AGAP1: variants seen among roughly 807,000 people sequenced by gnomAD.
AGAP1 encodes ArfGAP with GTPase domain, ankyrin repeat and PH domain 1.
A neutral mutation model predicts 105.3 loss-of-function variants in AGAP1; 29 were observed. That is an observed-to-expected ratio of 0.28 (90% CI 0.21 to 0.38). The LOEUF is 0.38. Ranked by LOEUF, AGAP1 falls within the 10% of genes least tolerant of loss-of-function variation. The pLI is 1.00. For missense variants in AGAP1, 998 were observed against 1,165.1 expected (o/e 0.86, Z 2.09); for synonymous variants, 509 against 485.9 (o/e 1.05, Z -0.63).
intron 16 of AGAP1, among the ~76,000 whole-genome samples, chr2:236,057,605 C>G (rs1028985198): frequency 3.9e-5 from 6 of 151,950 alleles, no homozygotes; most frequent in African/African-American, 1.5e-4. Flanking sequence ...ATGTCCCTGA[C>G]CCAACACTGC....
rs1269901208 is a variant in AGAP1, at chr2:235,744,148, G to GC, written c.397-549dup. Among the ~76,000 whole-genome samples the GC allele has an allele frequency of 1.3e-5, 2 of 152,228 alleles. No homozygotes were observed. The highest frequency in any genetic ancestry group is 3.8e-4 in the East Asian group (2 of 5,202). On this transcript the variant is annotated intron_variant, in intron 4 of 17. Transcript: ENST00000304032. The surrounding 1 kb of genome is among the most constrained non-coding windows in gnomAD (Gnocchi z 5.2). ...GTAGTCATTTCTTTGCAGAGGTGCA[G>GC]CAGGAGTTCAGCCAAGGATGAGCCT...
At chr2:235,563,014 A>G (rs1352852080) in intron 1 of AGAP1, among the ~76,000 whole-genome samples, 1 of 152,192 alleles carries the variant, frequency 6.6e-6, no homozygotes. Flanking sequence ...GAGCCGCTGC[A>G]CACCAGCCTG....
chr2:235,627,528 T>A (rs1272764197), intron 1 of AGAP1, among the ~76,000 whole-genome samples: 1 of 152,086 alleles, frequency 6.6e-6, no homozygotes, highest in Admixed American at 6.5e-5. Flanking sequence ...CCCGGCTATT[T>A]TGAGTTCTTT....
At chr2:236,081,385 G>A (rs2058777733) in intron 16 of AGAP1, among the ~76,000 whole-genome samples, 1 of 152,178 alleles carries the variant, frequency 6.6e-6, no homozygotes. Context: ...TGGCCGGGGT[G>A]CGTGTCTGAA....
chr2:235,918,257 C>T (rs1467441422), intron 11 of AGAP1, among the ~76,000 whole-genome samples: 1 of 152,236 alleles, frequency 6.6e-6, no homozygotes, highest in African/African-American at 2.4e-5. Flanking sequence ...AGACCATTTG[C>T]AAATGGAAGC....
chr2:235,661,709 C>T (rs78036450), intron 1 of AGAP1, among the ~76,000 whole-genome samples: 8 of 152,140 alleles, frequency 5.3e-5, no homozygotes, highest in Non-Finnish European at 8.8e-5. Context: ...ATCTGTAGAC[C>T]GTGCTTGGAG....
Position 236,101,783 on chromosome 2 carries a change from G to A in AGAP1, c.2115-18409G>A, listed in dbSNP as rs2059352397. Among the ~76,000 whole-genome samples, 1 of 152,220 alleles carries A rather than the reference G, an allele frequency of 6.6e-6. No homozygotes were observed. The highest frequency in any genetic ancestry group is 1.5e-5 in the Non-Finnish European group (1 of 68,048). The stretch of plus-strand genomic sequence containing the variant: ...TTCATGCCACGTTACGCGGAGTCTA[G>A]GACGGCCTCACCCCGCTGGCTCGGG... On this transcript the variant is annotated intron_variant, in intron 16 of 17. Transcript: ENST00000304032. The surrounding 1 kb of genome is among the most constrained non-coding windows in gnomAD (Gnocchi z 4.9).
chr2:235,701,278 A>G lies in AGAP1; in HGVS notation c.164-7901A>G. Among the ~76,000 whole-genome samples, 1 of 152,032 alleles carries G rather than the reference A, an allele frequency of 6.6e-6. No homozygotes were observed. The highest frequency in any genetic ancestry group is 1.5e-5 in the Non-Finnish European group (1 of 68,020). On this transcript the variant is annotated intron_variant, in intron 1 of 17. Transcript: ENST00000304032. This position sits in a 1 kb window ranked among gnomAD's most constrained non-coding sequence, Gnocchi z 4.1. ...AACTTTTGCCTTGGGATTTCCTTAG[A>G]GGAGAAGAGAGAGGACCCAGTCAAA... is the stretch of plus-strand genomic sequence containing the variant.
At chr2:235,966,883 C>A (rs999354212) in intron 12 of AGAP1, among the ~76,000 whole-genome samples, 1 of 152,064 alleles carries the variant, frequency 6.6e-6, no homozygotes, top group African/African-American at 2.4e-5. Context: ...TTCTTGGGAC[C>A]GTATGTATTT....
At chr2:235,895,319 C>T (rs1457417339) in intron 10 of AGAP1, among the ~76,000 whole-genome samples, 1 of 150,706 alleles carries the variant, frequency 6.6e-6, no homozygotes, top group Non-Finnish European at 1.5e-5. Context: ...ATGTCCGTGC[C>T]CCTGCTCTTG....
chr2:235,841,531 A>AT (rs1960842733), intron 9 of AGAP1, among the ~76,000 whole-genome samples: 3 of 152,114 alleles, frequency 2.0e-5, no homozygotes, highest in Non-Finnish European at 4.4e-5. Context: ...CTGGAGGCTG[A>AT]GGTAGAAGGA....
chr2:235,907,977 T>TA (rs1260298354), intron 10 of AGAP1, among the ~76,000 whole-genome samples: 1 of 152,168 alleles, frequency 6.6e-6, no homozygotes, highest in Non-Finnish European at 1.5e-5. Context: ...ACAATAATAA[T>TA]AATGAGTGAT....
chr2:236,016,604 T>C (rs569179176), intron 13 of AGAP1, among the ~76,000 whole-genome samples: 3 of 152,222 alleles, frequency 2.0e-5, no homozygotes, highest in African/African-American at 7.2e-5. Flanking sequence ...CGGGACCCAG[T>C]AGAACCAGGA....
Position 236,044,786 on chromosome 2 carries a change from C to T in AGAP1, c.1891+3945C>T, listed in dbSNP as rs565868742. The stretch of plus-strand genomic sequence containing the variant: ...TTGAAATCACACACACACACACACA[C>T]ACATCCCTACTCCCTGCTGTTCTGC... On this transcript the variant is annotated intron_variant, in intron 15 of 17. Transcript: ENST00000304032. The surrounding 1 kb of genome is among the most constrained non-coding windows in gnomAD (Gnocchi z 5.7). 3.7e-4 allele frequency among the ~76,000 whole-genome samples: 56 copies of T among 152,232 alleles called. No individual in the cohort carries two copies. In the East Asian group the frequency reaches 0.01, roughly 28 times the overall value.
chr2:235,886,152 G>A (rs879517247), intron 10 of AGAP1, among the ~76,000 whole-genome samples: 4 of 152,184 alleles, frequency 2.6e-5, no homozygotes, highest in Non-Finnish European at 5.9e-5. Flanking sequence ...GCAGTGGCCG[G>A]GCTGCCCTGT....
chr2:235,909,351 T>C (rs1275671472), intron 11 of AGAP1, among the ~76,000 whole-genome samples: 2 of 152,244 alleles, frequency 1.3e-5, no homozygotes, highest in Admixed American at 6.5e-5. Flanking sequence ...TATATTTTAA[T>C]TATCTGCCAT....
rs1480199627 is a variant in AGAP1 at position 235,872,575 on chromosome 2, G to A, written c.1051-10770G>A. Among the ~76,000 whole-genome samples, 1 of 152,166 alleles carries A rather than the reference G, an allele frequency of 6.6e-6. No homozygotes were observed. Among genetic ancestry groups the A allele is most frequent in the East Asian group, 1.9e-4 (1 of 5,186 alleles). On this transcript the variant is annotated intron_variant, in intron 9 of 17. Coordinates refer to ENST00000304032, the MANE Select transcript of AGAP1 (RefSeq NM_001037131.3). The surrounding 1 kb of genome is among the most constrained non-coding windows in gnomAD (Gnocchi z 4.5). ...GGCCTCTGTCATCTTCTGGCCAGTAGGATCACGGCTTCATGTCCTCTAAAA... is the reference window on the plus strand; with the variant it reads ...GGCCTCTGTCATCTTCTGGCCAGTAAGATCACGGCTTCATGTCCTCTAAAA...
chr2:235,582,482 C>A lies in AGAP1; in HGVS notation c.163+87633C>A, dbSNP rs1302440708. Among the ~76,000 whole-genome samples, 1 of 152,074 alleles carries A rather than the reference C, an allele frequency of 6.6e-6. No homozygotes were observed. The highest frequency in any genetic ancestry group is 1.5e-5 in the Non-Finnish European group (1 of 68,022). The stretch of plus-strand genomic sequence containing the variant: ...TGGGAGCTCATTGCATTGATGAAGC[C>A]CTCTTGAGTCAGATCGTGGGGTTGG... On this transcript the variant is annotated intron_variant, in intron 1 of 17. Transcript: ENST00000304032. The surrounding 1 kb of genome is among the most constrained non-coding windows in gnomAD (Gnocchi z 4.7).
intron 1 of AGAP1, among the ~76,000 whole-genome samples, chr2:235,679,065 G>A (rs1948919923): frequency 6.6e-6 from 1 of 152,210 alleles, no homozygotes. Context: ...AAGAAAGAAA[G>A]AATGCTTTTC....
Sources: allele counts gnomAD v4.1 joint callset (sites outside exome capture counted in the v4.1 genomes callset), GRCh38; gene constraint gnomAD v4.1.1; non-coding constraint Gnocchi (gnomAD v3.1); transcripts MANE v1.5; gene names NCBI Gene and HGNC (gene_info 2026-07-23, HGNC 2026-07-21).